The following FTO variants were observed in gnomAD, a reference collection of about 807,000 sequenced individuals.
The protein encoded by FTO is alpha-ketoglutarate-dependent dioxygenase FTO.
Under a neutral mutation model 63.9 loss-of-function variants are expected in FTO, and 47 were observed. The observed-to-expected ratio is 0.74, with a 90% CI of 0.58 to 0.94. FTO has a LOEUF of 0.94. FTO is among the 40% of genes least tolerant of loss of function. The probability of loss-of-function intolerance (pLI) is 0.00; values close to 1 mark genes in which losing one functional copy is unlikely to be tolerated. For missense variants in FTO, 562 were observed against 618.1 expected (o/e 0.91, Z 0.96); for synonymous variants, 207 against 224.4 (o/e 0.92, Z 0.69).
chr16:54,086,866 C>T (rs571104173), intron 8 of FTO, among the ~76,000 whole-genome samples: 5 of 152,178 alleles, frequency 3.3e-5, no homozygotes, highest in African/African-American at 4.8e-5. Flanking sequence ...GTGAACTGAA[C>T]GGGGAGAGCT....
chr16:53,937,210 C>T (rs2082410241), intron 8 of FTO: 1 of 398,452 alleles, frequency 2.5e-6, no homozygotes, highest in Non-Finnish European at 4.4e-6. Context: ...ACAACCCTCT[C>T]CAAATAGGCT....
intron 1 of FTO, among the ~76,000 whole-genome samples, chr16:53,777,243 C>T (rs182958824): frequency 1.1e-4 from 16 of 152,302 alleles, no homozygotes; most frequent in Admixed American, 5.2e-4. Context: ...CTGGCAATTA[C>T]TGTTCTGCTC....
rs1326358887 is a variant in FTO at position 53,987,590 on chromosome 16, AAAAAAAAG to A, written c.1364+53486_1364+53493del. Among the ~76,000 whole-genome samples the A allele has an allele frequency of 4.8e-3, 579 of 121,874 alleles. 7 individuals are homozygous for A. Among genetic ancestry groups the A allele is most frequent in the African/African-American group, 0.018 (543 of 29,800 alleles). The allele number at this position is 121,874 out of a possible 152,430, so 80.0% of individuals were successfully genotyped here. On this transcript the variant is annotated intron_variant, in intron 8 of 8. Transcript: ENST00000471389. ...AGAGAAAGACTCTGTCTCAAAAAAA[AAAAAAAAG>A]AAAAGAAAAGAAAAATGACAGTATG...
At chr16:53,748,116 A>G (rs2076691511) in intron 1 of FTO, among the ~76,000 whole-genome samples, 1 of 152,118 alleles carries the variant, frequency 6.6e-6, no homozygotes, top group Non-Finnish European at 1.5e-5. Context: ...CTTTTTGTGC[A>G]TGATTATCTT....
chr16:54,011,502 G>A (rs1420219686), intron 8 of FTO, among the ~76,000 whole-genome samples: 2 of 152,262 alleles, frequency 1.3e-5, no homozygotes, highest in Admixed American at 1.3e-4. Flanking sequence ...CCAAATAGCT[G>A]TAACAGGCAT....
At chr16:54,107,152 C>G (rs1187911356) in intron 8 of FTO, among the ~76,000 whole-genome samples, 1 of 150,406 alleles carries the variant, frequency 6.6e-6, no homozygotes, top group Non-Finnish European at 1.5e-5. Flanking sequence ...TGTGTATATA[C>G]ATATTATTTT....
intron 8 of FTO, among the ~76,000 whole-genome samples, chr16:54,056,446 C>T (rs2085434368): frequency 6.6e-6 from 1 of 152,226 alleles, no homozygotes; most frequent in Admixed American, 6.5e-5. Context: ...GCCCCACTTC[C>T]TGATATTCAC....
At chr16:53,790,314 A>C (rs62033406) in intron 1 of FTO, among the ~76,000 whole-genome samples, 3 of 151,698 alleles carry the variant, frequency 2.0e-5, no homozygotes, top group African/African-American at 7.3e-5. Flanking sequence ...GGCAACCACC[A>C]TTCTATTTTC....
chr16:53,782,926 G>A (rs9935401), intron 1 of FTO, among the ~76,000 whole-genome samples: 60,371 of 151,984 alleles, frequency 0.4, 12,342 homozygotes, highest in African/African-American at 0.44. Flanking sequence ...AGTATCCTTA[G>A]AGCCTTGTGT....
At position 53,918,225 on chromosome 16, in the gene FTO, T is replaced by C. The variant is rs575577815; in HGVS notation, c.1240-15760T>C. Reference sequence around the variant, plus strand: ...CGGGAAATGTCTCATTAGGTGATGTTGTTGTTGTGTGAACATCATAGAGTG... The same window carrying C: ...CGGGAAATGTCTCATTAGGTGATGTCGTTGTTGTGTGAACATCATAGAGTG... On this transcript the variant is annotated intron_variant, in intron 7 of 8. Coordinates refer to ENST00000471389, the MANE Select transcript of FTO (RefSeq NM_001080432.3). 2.0e-4 allele frequency among the ~76,000 whole-genome samples: 30 copies of C among 152,292 alleles called. No individual in the cohort carries two copies. In the East Asian group the frequency reaches 5.0e-3, roughly 25 times the overall value.
intron 8 of FTO, among the ~76,000 whole-genome samples, chr16:53,936,423 G>C (rs1307681552): frequency 6.6e-6 from 1 of 152,118 alleles, no homozygotes; most frequent in Non-Finnish European, 1.5e-5. Flanking sequence ...CCTATCTACA[G>C]ACTCATCCAT....
chr16:53,878,556 A>T (rs1366500866), intron 5 of FTO, among the ~76,000 whole-genome samples: 1 of 152,222 alleles, frequency 6.6e-6, no homozygotes, highest in Non-Finnish European at 1.5e-5. Context: ...ATTTTATATC[A>T]GAGGATTAGC....
intron 3 of FTO, among the ~76,000 whole-genome samples, chr16:53,828,152 G>C (rs2079057203): frequency 6.6e-6 from 1 of 152,142 alleles, no homozygotes. Context: ...TAGAAATGTT[G>C]GTACTTAAAG....
At chr16:53,967,774 C>T (rs1414254447) in intron 8 of FTO, among the ~76,000 whole-genome samples, 3 of 152,234 alleles carry the variant, frequency 2.0e-5, no homozygotes, top group South Asian at 4.1e-4. Context: ...CAGTTTGGTT[C>T]GGCCCAAGGA....
At chr16:53,936,181 G>T (rs1445488109) in intron 8 of FTO, among the ~76,000 whole-genome samples, 2 of 152,210 alleles carry the variant, frequency 1.3e-5, no homozygotes, top group African/African-American at 4.8e-5. Flanking sequence ...AGTTGATGTA[G>T]TCTAGCAACT....
intron 1 of FTO, among the ~76,000 whole-genome samples, chr16:53,771,064 T>C (rs1333066598): frequency 1.3e-5 from 2 of 152,100 alleles, no homozygotes; most frequent in East Asian, 3.9e-4. Context: ...CGCTATAGGT[T>C]GGGGCTATGA....
At chr16:53,710,553 G>A (rs1010106868) in intron 1 of FTO, among the ~76,000 whole-genome samples, 1 of 152,110 alleles carries the variant, frequency 6.6e-6, no homozygotes, top group African/African-American at 2.4e-5. Flanking sequence ...GTGAGCCACC[G>A]TGCGCAGCCC....
chr16:53,818,452 G>A (rs56716753), intron 2 of FTO, among the ~76,000 whole-genome samples: 7 of 151,974 alleles, frequency 4.6e-5, no homozygotes, highest in African/African-American at 1.7e-4. Flanking sequence ...AGAATCTCTT[G>A]GCAAATATAA....
intron 7 of FTO, among the ~76,000 whole-genome samples, chr16:53,931,973 T>G (rs2082296830): frequency 6.6e-6 from 1 of 152,150 alleles, no homozygotes; most frequent in Non-Finnish European, 1.5e-5. Context: ...CCAGCTTTTC[T>G]GAATGTCAGA....
Sources: allele counts gnomAD v4.1 joint callset (sites outside exome capture counted in the v4.1 genomes callset), GRCh38; gene constraint gnomAD v4.1.1; transcripts MANE v1.5; gene names NCBI Gene and HGNC (gene_info 2026-07-23, HGNC 2026-07-21).